ZSCAN12: variants seen among roughly 807,000 people sequenced by gnomAD.
ZSCAN12 encodes the protein zinc finger and SCAN domain containing 12.
A neutral mutation model predicts 23.4 loss-of-function variants in ZSCAN12; 18 were observed. The observed-to-expected ratio is 0.77, with a 90% CI of 0.53 to 1.14. ZSCAN12 has a LOEUF of 1.14. ZSCAN12 is among the 50% of genes most tolerant of loss of function. The pLI is 0.00. For synonymous variants in ZSCAN12, 186 were observed against 253.4 expected (o/e 0.73, Z 2.53); for missense variants, 650 against 735.0 (o/e 0.88, Z 1.34).
chr6:28,386,135 T>C lies in ZSCAN12; in HGVS notation c.*4319A>G, dbSNP rs1414455771. Among the ~76,000 whole-genome samples, 2 of 152,228 alleles carry C rather than the reference T, an allele frequency of 1.3e-5. No homozygotes were observed. Among genetic ancestry groups the C allele is most frequent in the East Asian group, 1.9e-4 (1 of 5,202 alleles). On this transcript the variant is annotated 3_prime_UTR_variant, in exon 4 of 4. Coordinates refer to ENST00000684592, the MANE Select transcript of ZSCAN12 (RefSeq NM_001163391.2). ...GATTGTCAGGTTACGTTTTCATTCA[T>C]AGCCCGTGTTGAAACTCACCTCACT... is the stretch of plus-strand genomic sequence containing the variant.
intron 1 of ZSCAN12, among the ~76,000 whole-genome samples, chr6:28,399,008 A>G (rs1761280003): frequency 6.6e-6 from 1 of 152,102 alleles, no homozygotes; most frequent in Non-Finnish European, 1.5e-5. Context: ...AGGACTTAAG[A>G]GTAAGACTTG....
chr6:28,399,394 G>A (rs919849742), intron 1 of ZSCAN12, among the ~76,000 whole-genome samples: 6 of 152,252 alleles, frequency 3.9e-5, no homozygotes, highest in African/African-American at 1.4e-4. Flanking sequence ...ATGTCGGTAA[G>A]CGCTGAACCC....
rs1760599938 is a variant in ZSCAN12 at position 28,387,323 on chromosome 6, A to G, written c.*3131T>C. ...AAATGAACTGGAAAGACCCCAAGTA[A>G]AGGCACTCAGAGGAGTAGAAGGCAA... On this transcript the variant is annotated 3_prime_UTR_variant, in exon 4 of 4. Transcript: ENST00000684592. 6.6e-6 allele frequency among the ~76,000 whole-genome samples: 1 copy of G among 152,240 alleles called. No individual in the cohort carries two copies. Among genetic ancestry groups the G allele is most frequent in the Non-Finnish European group, 1.5e-5 (1 of 68,040 alleles).
At position 28,388,142 on chromosome 6, in the gene ZSCAN12, G is replaced by A. The variant is rs575842247; in HGVS notation, c.*2312C>T. Among the ~76,000 whole-genome samples the A allele has an allele frequency of 2.0e-5, 3 of 152,130 alleles. No individual in the cohort carries two copies. Among genetic ancestry groups the A allele is most frequent in the Non-Finnish European group, 4.4e-5 (3 of 68,026 alleles). Reference sequence around the variant, plus strand: ...GCTACAGAGCTCCCAGACTCACTCTGGGTTCCTTGTTTCCTGGAGGAAAAA... The same window carrying A: ...GCTACAGAGCTCCCAGACTCACTCTAGGTTCCTTGTTTCCTGGAGGAAAAA... On this transcript the variant is annotated 3_prime_UTR_variant, in exon 4 of 4. Coordinates refer to ENST00000684592, the MANE Select transcript of ZSCAN12 (RefSeq NM_001163391.2).
In ZSCAN12 at chr6:28,387,812, T is replaced by TG. The variant is rs1355534227; in HGVS notation, c.*2641dup. Among the ~76,000 whole-genome samples, 1 of 152,180 alleles carries TG rather than the reference T, an allele frequency of 6.6e-6. No individual in the cohort carries two copies. Among genetic ancestry groups the TG allele is most frequent in the East Asian group, 1.9e-4 (1 of 5,192 alleles). ...ACTCTTGCTGGCGCCCAGATGTCTG[T>TG]GGTCATAGGTCACCTCTTCATCCCA... On this transcript the variant is annotated 3_prime_UTR_variant, in exon 4 of 4. Transcript: ENST00000684592.
chr6:28,393,175 AT>A, intron 2 of ZSCAN12, 129 bp from the exon 3 acceptor site: 1 of 931,574 alleles, frequency 1.1e-6, no homozygotes, highest in Non-Finnish European at 1.6e-6. Flanking sequence ...AACCCTACCC[AT>A]TCTTCAAGGC....
Position 28,386,837 on chromosome 6 carries a change from A to T in ZSCAN12, c.*3617T>A, listed in dbSNP as rs981147423. Among the ~76,000 whole-genome samples the T allele has an allele frequency of 6.6e-5, 10 of 151,948 alleles. No individual in the cohort carries two copies. The highest frequency in any genetic ancestry group is 1.3e-4 in the Non-Finnish European group (9 of 67,976). On this transcript the variant is annotated 3_prime_UTR_variant, in exon 4 of 4. Transcript: ENST00000684592. ...CCACGTGTATTTTTATTTTTATTTT[A>T]ATTTTTGTTGAGATGGAGTCTTGCT...
chr6:28,391,238 A>T lies in ZSCAN12; in HGVS notation c.1052T>A (p.Leu351His). The change falls in exon 4 of 4, where the codon CTT becomes CAT. Residue 351 changes from leucine to histidine, a missense_variant. Transcript: ENST00000684592. This position sits in a 1 kb window ranked among gnomAD's most constrained non-coding sequence, Gnocchi z 4.1. ...RWSALNQHQR[L>H]HTGEKHYHCN... ...GTGATAGTGTTTTTCTCCTGTGTGA[A>T]GTCTCTGATGTTGGTTAAGAGCTGA... 6.4e-7 allele frequency: 1 copy of T among 1,551,900 alleles called. No individual in the cohort carries two copies.
intron 2 of ZSCAN12, among the ~76,000 whole-genome samples, chr6:28,395,373 T>C (rs893777299): frequency 1.3e-5 from 2 of 152,174 alleles, no homozygotes; most frequent in African/African-American, 2.4e-5. Flanking sequence ...TTACTTTCTC[T>C]CATATTCCAC....
In ZSCAN12 at chr6:28,386,876, G is replaced by A. The variant is rs1760576322; in HGVS notation, c.*3578C>T. 6.6e-6 allele frequency among the ~76,000 whole-genome samples: 1 copy of A among 152,074 alleles called. No homozygotes were observed. The highest frequency in any genetic ancestry group is 2.4e-5 in the African/African-American group (1 of 41,404). On this transcript the variant is annotated 3_prime_UTR_variant, in exon 4 of 4. Coordinates refer to ENST00000684592, the MANE Select transcript of ZSCAN12 (RefSeq NM_001163391.2). ...TGGAGTCTTGCTCTGTCACCAGGCG[G>A]GAGAGCAGTGGTGCCATCTCAGCTC...
At position 28,391,165 on chromosome 6, in the gene ZSCAN12, G is replaced by C; in HGVS notation, c.1125C>G (p.His375Gln). 1 of 1,551,646 alleles carries C rather than the reference G, an allele frequency of 6.4e-7. No individual in the cohort carries two copies. Among genetic ancestry groups the C allele is most frequent in the Non-Finnish European group, 8.7e-7 (1 of 1,146,966 alleles). ...KAFSQKAGLF[H>Q]HIKIHTRDKP... ...TGTCTCTTGTGTGGATCTTGATATG[G>C]TGAAAGAGGCCTGCTTTCTGACTAA... Residue 375 changes from histidine (H) to glutamine (Q), a missense_variant, in exon 4 of 4, where the codon CAC becomes CAG. Transcript: ENST00000684592. This position sits in a 1 kb window ranked among gnomAD's most constrained non-coding sequence, Gnocchi z 4.1.
At position 28,390,718 on chromosome 6, in the gene ZSCAN12, G is replaced by A. The variant is rs751927512; in HGVS notation, c.1572C>T (p.Pro524=). The A allele has an allele frequency of 6.2e-7, 1 of 1,612,342 alleles. No homozygotes were observed. The highest frequency in any genetic ancestry group is 1.1e-5 in the South Asian group (1 of 90,798). ...EHQRIHTGER[P]YKCDECGNAF... is the part of the protein sequence containing the mutation. ...CATTCCCACACTCATCACACTTGTA[G>A]GGCCTCTCTCCAGTGTGGATTCTCT... Residue 524 remains proline (P), a synonymous_variant, in exon 4 of 4, where the codon CCC becomes CCT. Transcript: ENST00000684592.
Position 28,390,363 on chromosome 6 carries a change from C to G in ZSCAN12, c.*91G>C. ...TTAAATATCTGAGGTTTCCTTATAA[C>G]AATGGTGACTGAAGTTTTGCCCCAA... On this transcript the variant is annotated 3_prime_UTR_variant, in exon 4 of 4. Transcript: ENST00000684592. The G allele has an allele frequency of 9.5e-7, 1 of 1,047,506 alleles. No individual in the cohort carries two copies. The highest frequency in any genetic ancestry group is 2.9e-5 in the East Asian group (1 of 34,746). The allele number at this position is 1,047,506 out of a possible 1,614,324, so 64.9% of individuals were successfully genotyped here. A position where few individuals can be genotyped will look rare whatever the true frequency, so the allele number is the denominator to read the frequency against.
chr6:28,395,562 T>C lies in ZSCAN12; in HGVS notation c.402+2442A>G, dbSNP rs183886898. Among the ~76,000 whole-genome samples the C allele has an allele frequency of 3.0e-4, 45 of 152,318 alleles. No homozygotes were observed. In the East Asian group the frequency reaches 8.5e-3, roughly 29 times the overall value. The stretch of plus-strand genomic sequence containing the variant: ...TCGTTGCCTCTACCTTTTACTCCTA[T>C]GGCTACCCCAGCCCCATTGTGGAAC... On this transcript the variant is annotated intron_variant, in intron 2 of 3. Coordinates refer to ENST00000684592, the MANE Select transcript of ZSCAN12 (RefSeq NM_001163391.2).
downstream of ZSCAN12, chr6:28,381,594 G>A (rs1273236119): frequency 6.6e-6 from 1 of 152,166 alleles, no homozygotes; most frequent in Admixed American, 6.5e-5. Flanking sequence ...AGAAGGAGAT[G>A]AGTAGAGACA....
At position 28,386,445 on chromosome 6, in the gene ZSCAN12, C is replaced by T. The variant is rs894900271; in HGVS notation, c.*4009G>A. Among the ~76,000 whole-genome samples, 3 of 152,230 alleles carry T rather than the reference C, an allele frequency of 2.0e-5. No homozygotes were observed. Among genetic ancestry groups the T allele is most frequent in the African/African-American group, 7.2e-5 (3 of 41,458 alleles). ...CCCGTTATTGTTATTTCAAAATCCA[C>T]ATACATAAAATGCTTCAGAGGTTTC... is the stretch of plus-strand genomic sequence containing the variant. On this transcript the variant is annotated 3_prime_UTR_variant, in exon 4 of 4. Transcript: ENST00000684592.
chr6:28,387,024 C>T lies in ZSCAN12; in HGVS notation c.*3430G>A, dbSNP rs900554639. The stretch of plus-strand genomic sequence containing the variant: ...TGTATTTTTAGTGGAGATGGGGTTT[C>T]ACCACATTGTCAAGATGGTCTCAAC... On this transcript the variant is annotated 3_prime_UTR_variant, in exon 4 of 4. Transcript: ENST00000684592. Among the ~76,000 whole-genome samples, 3 of 152,102 alleles carry T rather than the reference C, an allele frequency of 2.0e-5. No homozygotes were observed. Among genetic ancestry groups the T allele is most frequent in the Non-Finnish European group, 2.9e-5 (2 of 68,030 alleles).
Position 28,385,648 on chromosome 6 carries a change from C to G in ZSCAN12, c.*4806G>C, listed in dbSNP as rs1366391407. Among the ~76,000 whole-genome samples the G allele has an allele frequency of 6.6e-6, 1 of 152,174 alleles. No individual in the cohort carries two copies. Among genetic ancestry groups the G allele is most frequent in the Non-Finnish European group, 1.5e-5 (1 of 68,024 alleles). The stretch of plus-strand genomic sequence containing the variant: ...CACATACTAACTTCGGGACCTTGAG[C>G]AGCTTTAGATTATCTATTTCAGTTT... On this transcript the variant is annotated 3_prime_UTR_variant, in exon 4 of 4. Transcript: ENST00000684592.
At position 28,397,738 on chromosome 6, in the gene ZSCAN12, T is replaced by C. The variant is rs2041230; in HGVS notation, c.402+266A>G. Among the ~76,000 whole-genome samples, 53,731 of 151,946 alleles carry C rather than the reference T, an allele frequency of 0.35. 10,218 individuals are homozygous for C. The highest frequency in any genetic ancestry group is 0.49 in the African/African-American group (20,484 of 41,392). ...CCTGCTACTGTCATCTCTTTGATACTTTCTCTTGTCTTAGAAGTTTTCTAA... is the reference window on the plus strand; with the variant it reads ...CCTGCTACTGTCATCTCTTTGATACCTTCTCTTGTCTTAGAAGTTTTCTAA... On this transcript the variant is annotated intron_variant, in intron 2 of 3. Transcript: ENST00000684592.
Sources: gnomAD v4.1 joint callset for allele counts (sites outside exome capture counted in the v4.1 genomes callset) on GRCh38, gnomAD v4.1.1 for gene constraint, Gnocchi (gnomAD v3.1) non-coding constraint, MANE v1.5 for transcripts, NCBI Gene and HGNC (gene_info 2026-07-23, HGNC 2026-07-21) for gene names.